CDHR5: variants seen among roughly 807,000 people sequenced by gnomAD.
The protein encoded by CDHR5 is cadherin-related family member 5.
A neutral mutation model predicts 69.5 loss-of-function variants in CDHR5; 82 were observed. The observed-to-expected ratio is 1.18, with a 90% CI of 0.99 to 1.42. The LOEUF is 1.42. Ranked by LOEUF, CDHR5 falls within the 40% of genes most tolerant of loss-of-function variation. CDHR5 has a pLI of 0.00. For synonymous variants in CDHR5, 601 were observed against 510.2 expected, an observed-to-expected ratio of 1.18 and a Z score of -2.40; for missense variants, 1,293 against 1,168.9, an observed-to-expected ratio of 1.11 and a Z score of -1.55.
Position 617,560 on chromosome 11 carries a change from T to G in CDHR5, c.2329A>C (p.Ile777Leu), listed in dbSNP as rs1857014307. The G allele has an allele frequency of 6.2e-7, 1 of 1,612,078 alleles. No homozygotes were observed. The highest frequency in any genetic ancestry group is 1.3e-5 in the African/African-American group (1 of 75,014). Residue 777 changes from isoleucine (I) to leucine (L), a missense_variant, in exon 15 of 15, where the codon ATC (isoleucine) becomes CTC (leucine). By Grantham distance (5) the Ile-to-Leu change is conservative (BLOSUM62 2). Coordinates refer to ENST00000397542, the MANE Select transcript of CDHR5 (RefSeq NM_021924.5). ...AGGSPTAVRS[I>L]LTKERRPEGG... ...TCCGGCCGCCGCTCCTTGGTCAGGA[T>G]GGACCTCACCGCCGTGGGGCTTCCG...
chr11:619,179 A>G lies in CDHR5; in HGVS notation c.1380T>C (p.Asp460=). Reference sequence around the variant, plus strand: ...CTCCAGCCTCTGGGGATGGGGGGACATCTGGGGGCCGGGAACAGTGCTTGG... The same window carrying G: ...CTCCAGCCTCTGGGGATGGGGGGACGTCTGGGGGCCGGGAACAGTGCTTGG... The part of the protein sequence containing the change: ...QVSEQEPPST[D]VPPSPEAGGT... Residue 460 remains aspartate, a splice_region_variant and synonymous_variant, in exon 13 of 15, where the codon GAT becomes GAC. Transcript: ENST00000397542. 1 of 1,531,698 alleles carries G rather than the reference A, an allele frequency of 6.5e-7. No homozygotes were observed. The highest frequency in any genetic ancestry group is 1.7e-4 in the Middle Eastern group (1 of 5,722). The allele number at this position is 1,531,698 out of a possible 1,614,324, so 94.9% of individuals were successfully genotyped here.
intron 13 of CDHR5, 121 bp from the exon 14 acceptor site, chr11:618,232 A>G: frequency 1.2e-6 from 1 of 824,570 alleles, no homozygotes; most frequent in Non-Finnish European, 1.9e-6. Context: ...CTGTCTCCCA[A>G]ATCTCAGGCT....
chr11:620,963 G>A (rs1015898562), intron 7 of CDHR5, 117 bp downstream of exon 7: 13 of 706,008 alleles, frequency 1.8e-5, no homozygotes, highest in Admixed American at 3.4e-5. Flanking sequence ...AATCACGACC[G>A]AAATCGGCCC....
chr11:621,499 C>G lies in CDHR5; in HGVS notation c.508-44G>C. ...GACAGAGCCTAAGAGCCTTGGAGGG[C>G]GAGGGCGGCTGTGGGTGTCAGAGGC... On this transcript the variant is annotated intron_variant, in intron 5 of 14. Coordinates refer to ENST00000397542, the MANE Select transcript of CDHR5 (RefSeq NM_021924.5). The surrounding 1 kb of genome is among the most constrained non-coding windows in gnomAD (Gnocchi z 4.4). 1 of 1,595,586 alleles carries G rather than the reference C, an allele frequency of 6.3e-7. No homozygotes were observed. Among genetic ancestry groups the G allele is most frequent in the East Asian group, 2.2e-5 (1 of 44,770 alleles).
rs2740375 is a variant in CDHR5, at chr11:618,998, G to C, written c.1561C>G (p.Pro521Ala). ...RPPTSSTPGG[P>A]PGAENSTSHQ... is the part of the protein sequence containing the mutation. The stretch of plus-strand genomic sequence containing the variant: ...GAGGTGCTGTTTTCTGCACCCGGGG[G>C]CCCCCCGGGTGTGGACGAGGTTGGT... The change falls in exon 13 of 15, where the codon CCC (proline) becomes GCC (alanine). Residue 521 changes from proline to alanine, a missense_variant. Physicochemically the swap from Pro to Ala is conservative, Grantham distance 27. Coordinates refer to ENST00000397542, the MANE Select transcript of CDHR5 (RefSeq NM_021924.5). 5.6e-6 allele frequency: 9 copies of C among 1,612,566 alleles called. No individual in the cohort carries two copies. Among genetic ancestry groups the C allele is most frequent in the Admixed American group, 1.7e-5 (1 of 59,912 alleles).
chr11:618,176 C>T (rs966340263), intron 13 of CDHR5, 65 bp from the exon 14 acceptor site: 6 of 1,348,678 alleles, frequency 4.4e-6, no homozygotes, highest in Admixed American at 2.0e-5. Flanking sequence ...TTTCCCATGC[C>T]AACCTGTGCC....
chr11:617,712 C>T lies in CDHR5; in HGVS notation c.2177G>A (p.Trp726Ter). ...QAFLPDHKAN[W>*]APVPSPTHDP... ...GTGCGTGGGGCTGGGGACGGGCGCC[C>T]AGTTGGCCTTGTGGTCAGGGAGGAA... Residue 726 changes from tryptophan to a stop codon, truncating the protein, a stop_gained, in exon 15 of 15, where the codon TGG becomes TAG. Coordinates refer to ENST00000397542, the MANE Select transcript of CDHR5 (RefSeq NM_021924.5). LOFTEE classifies it low-confidence loss of function (END_TRUNC). 6.8e-7 allele frequency: 1 copy of T among 1,460,552 alleles called. No homozygotes were observed. Among genetic ancestry groups the T allele is most frequent in the Non-Finnish European group, 9.0e-7 (1 of 1,114,396 alleles). 90.5% of individuals were successfully genotyped at this position (1,460,552 alleles called of 1,614,324 possible). A position where few individuals can be genotyped will look rare whatever the true frequency, so the allele number is the denominator to read the frequency against.
In CDHR5 at chr11:619,806, G is replaced by A. The variant is rs1316436823; in HGVS notation, c.1054C>T (p.Pro352Ser). The stretch of plus-strand genomic sequence containing the variant: ...CGATACAGTCTCTGGGGGAAGCGGG[G>A]CGGGCTCCCGGCCGCAGCCACAGCC... ...VEAVAAAGSP[P>S]RFPQRLYRGT... Residue 352 changes from proline to serine, a missense_variant, in exon 10 of 15, where the codon CCC becomes TCC. By Grantham distance (74) the Pro-to-Ser change is moderately conservative (BLOSUM62 -1). Transcript: ENST00000397542. 1 of 1,593,890 alleles carries A rather than the reference G, an allele frequency of 6.3e-7. No individual in the cohort carries two copies. Among genetic ancestry groups the A allele is most frequent in the Non-Finnish European group, 8.5e-7 (1 of 1,173,394 alleles).
rs1408654728 is a variant in CDHR5, at chr11:617,500, T to C, written c.2389A>G (p.Ile797Val). Residue 797 changes from isoleucine to valine, a missense_variant, in exon 15 of 15, where the codon ATC (isoleucine) becomes GTC (valine). Transcript: ENST00000397542. ...GYKAVWFGEDIGTEADVVVLN... is the reference protein window; with the variant it reads ...GYKAVWFGEDVGTEADVVVLN... ...ACGACCACGTCTGCCTCCGTCCCGA[T>C]GTCCTCGCCAAACCAGACAGCCTTG... 6.8e-6 allele frequency: 11 copies of C among 1,612,712 alleles called. No individual in the cohort carries two copies. Among genetic ancestry groups the C allele is most frequent in the Non-Finnish European group, 9.3e-6 (11 of 1,179,850 alleles).
At chr11:623,241 G>A (rs772959691) in intron 3 of CDHR5, among the ~76,000 whole-genome samples, 39 of 152,108 alleles carry the variant, frequency 2.6e-4, no homozygotes, top group East Asian at 3.9e-4. Flanking sequence ...CCCGGGAGGC[G>A]GAAGTTGCAG....
rs764278187 is a variant in CDHR5 at position 617,542 on chromosome 11, G to A, written c.2347C>T (p.Arg783Trp). 118 of 1,612,198 alleles carry A rather than the reference G, an allele frequency of 7.3e-5. No homozygotes were observed. The South Asian group carries it at 1.0e-3, about 14-fold the overall frequency. ...AVRSILTKERRPEGGYKAVWF... is the reference protein window; with the variant it reads ...AVRSILTKERWPEGGYKAVWF... Reference sequence around the variant, plus strand: ...ACAGCCTTGTACCCGCCCTCCGGCCGCCGCTCCTTGGTCAGGATGGACCTC... The same window carrying A: ...ACAGCCTTGTACCCGCCCTCCGGCCACCGCTCCTTGGTCAGGATGGACCTC... Residue 783 changes from arginine (R) to tryptophan (W), a missense_variant, in exon 15 of 15, where the codon CGG (arginine) becomes TGG (tryptophan). Physicochemically the swap from Arg to Trp is moderately radical, Grantham distance 101. Coordinates refer to ENST00000397542, the MANE Select transcript of CDHR5 (RefSeq NM_021924.5).
chr11:617,621 G>T lies in CDHR5; in HGVS notation c.2268C>A (p.Gly756=). The T allele has an allele frequency of 1.3e-6, 2 of 1,592,322 alleles. No homozygotes were observed. The highest frequency in any genetic ancestry group is 1.7e-6 in the Non-Finnish European group (2 of 1,169,996). Reference sequence around the variant, plus strand: ...CCGCTGCGGGGGGCTCAGGGGCACCGCCTGGGGAGGCAGGGCCGGGGGGTG... The same window carrying T: ...CCGCTGCGGGGGGCTCAGGGGCACCTCCTGGGGAGGCAGGGCCGGGGGGTG... ...EPAPPGPASP[G]GAPEPPAAAR... is the part of the protein sequence containing the mutation. Residue 756 remains glycine (G), a synonymous_variant, in exon 15 of 15, where the codon GGC becomes GGA. Coordinates refer to ENST00000397542, the MANE Select transcript of CDHR5 (RefSeq NM_021924.5).
At position 618,592 on chromosome 11, in the gene CDHR5, G is replaced by A; in HGVS notation, c.1960+7C>T. 6.2e-7 allele frequency: 1 copy of A among 1,613,744 alleles called. No individual in the cohort carries two copies. On this transcript the variant is annotated splice_region_variant and intron_variant, in intron 13 of 14. Transcript: ENST00000397542. ...TCAGGGAGGGAAGGCAACAGAGTGG[G>A]TGCTACCTGAAGATGGGGTGCTCTT...
rs771617655 is a variant in CDHR5 at position 617,559 on chromosome 11, A to T, written c.2330T>A (p.Ile777Asn). 2.5e-6 allele frequency: 4 copies of T among 1,611,946 alleles called. No homozygotes were observed. In the East Asian group the frequency reaches 8.9e-5, roughly 36 times the overall value. Reference sequence around the variant, plus strand: ...CTCCGGCCGCCGCTCCTTGGTCAGGATGGACCTCACCGCCGTGGGGCTTCC... The same window carrying T: ...CTCCGGCCGCCGCTCCTTGGTCAGGTTGGACCTCACCGCCGTGGGGCTTCC... ...AGGSPTAVRSILTKERRPEGG... is the reference protein window; with the variant it reads ...AGGSPTAVRSNLTKERRPEGG... The change falls in exon 15 of 15, where the codon ATC becomes AAC. Residue 777 changes from isoleucine (I) to asparagine (N), a missense_variant. Coordinates refer to ENST00000397542, the MANE Select transcript of CDHR5 (RefSeq NM_021924.5).
intron 9 of CDHR5, 45 bp downstream of exon 9, chr11:620,022 A>G: frequency 1.7e-6 from 1 of 579,136 alleles, no homozygotes; most frequent in South Asian, 2.0e-5. Flanking sequence ...CCTACCTTCC[A>G]CCCTTCCCCC....
Position 617,525 on chromosome 11 carries a change from G to A in CDHR5, c.2364C>T (p.Tyr788=). 6.2e-7 allele frequency: 1 copy of A among 1,612,608 alleles called. No homozygotes were observed. The highest frequency in any genetic ancestry group is 8.5e-7 in the Non-Finnish European group (1 of 1,179,802). ...LTKERRPEGG[Y]KAVWFGEDIG... ...TGTCCTCGCCAAACCAGACAGCCTT[G>A]TACCCGCCCTCCGGCCGCCGCTCCT... Residue 788 remains tyrosine (Y), a synonymous_variant, in exon 15 of 15, where the codon TAC becomes TAT. Coordinates refer to ENST00000397542, the MANE Select transcript of CDHR5 (RefSeq NM_021924.5).
chr11:622,347 G>A (rs1857462139), intron 3 of CDHR5, among the ~76,000 whole-genome samples: 1 of 150,920 alleles, frequency 6.6e-6, no homozygotes, highest in African/African-American at 2.4e-5. Flanking sequence ...GTGCTCCACA[G>A]AAAAATAATG....
intron 12 of CDHR5, 38 bp from the exon 13 acceptor site, chr11:619,218 C>A (rs774294597): frequency 6.8e-7 from 1 of 1,470,316 alleles, no homozygotes; most frequent in Non-Finnish European, 9.3e-7. Flanking sequence ...TGCCTCTGCC[C>A]GCCCCTTGCA....
rs752464443 is a variant in CDHR5 at position 621,272 on chromosome 11, G to A, written c.619-22C>T. ...TGTCCTGCAACAGACGGCTGTGCTG[G>A]ATCAGGCCTGGGAGCAGCTGGGGCC... On this transcript the variant is annotated intron_variant, in intron 6 of 14. Transcript: ENST00000397542. The surrounding 1 kb of genome is among the most constrained non-coding windows in gnomAD (Gnocchi z 4.4). The A allele has an allele frequency of 6.2e-7, 1 of 1,607,556 alleles. No homozygotes were observed. Among genetic ancestry groups the A allele is most frequent in the East Asian group, 2.2e-5 (1 of 44,758 alleles).
Sources: gnomAD v4.1 joint callset for allele counts (sites outside exome capture counted in the v4.1 genomes callset) on GRCh38, gnomAD v4.1.1 for gene constraint, Gnocchi (gnomAD v3.1) non-coding constraint, MANE v1.5 for transcripts, NCBI Gene and HGNC (gene_info 2026-07-23, HGNC 2026-07-21) for gene names.